The following TLK2 variants were observed in gnomAD, a reference collection of about 807,000 sequenced individuals.
The protein encoded by TLK2 is serine/threonine-protein kinase tousled-like 2.
A neutral mutation model predicts 117.3 loss-of-function variants in TLK2; 6 were observed. That is an observed-to-expected ratio of 0.05 (90% CI 0.03 to 0.10). The LOEUF is 0.10. TLK2 is among the 10% of genes least tolerant of loss of function. The pLI, the probability that TLK2 is intolerant of heterozygous loss-of-function variation, is 1.00. For missense variants in TLK2, 299 were observed against 901.2 expected (o/e 0.33, Z 8.56); for synonymous variants, 257 against 316.7 (o/e 0.81, Z 2.00).
chr17:62,568,109 T>C (rs1475244537), intron 11 of TLK2, among the ~76,000 whole-genome samples: 1 of 152,190 alleles, frequency 6.6e-6, no homozygotes, highest in Non-Finnish European at 1.5e-5. Context: ...TACTAAGATT[T>C]TGTTTATGTT....
At chr17:62,583,060 C>T (rs143868628) in intron 15 of TLK2, among the ~76,000 whole-genome samples, 17 of 152,072 alleles carry the variant, frequency 1.1e-4, no homozygotes, top group African/African-American at 3.1e-4. Flanking sequence ...TCTCGCCTAC[C>T]GTGTATAGTG....
At chr17:62,478,442 C>CG (rs1176633112), upstream of TLK2, among the ~76,000 whole-genome samples, 5 of 150,508 alleles carry the variant, frequency 3.3e-5, no homozygotes, top group African/African-American at 2.4e-5. Flanking sequence ...TCCAGCGGGG[C>CG]GGGGGCCGGC....
intron 16 of TLK2, among the ~76,000 whole-genome samples, chr17:62,593,949 C>G (rs1220840873): frequency 6.6e-6 from 1 of 151,694 alleles, no homozygotes; most frequent in Non-Finnish European, 1.5e-5. Flanking sequence ...CACACCACCG[C>G]TCCCTGCTGC....
chr17:62,526,777 T>C (rs917622398), intron 6 of TLK2, among the ~76,000 whole-genome samples: 1 of 152,238 alleles, frequency 6.6e-6, no homozygotes, highest in African/African-American at 2.4e-5. Flanking sequence ...CTGTTTTTCC[T>C]TTAAAATATA....
chr17:62,522,380 G>A, intron 4 of TLK2, 107 bp downstream of exon 4: 1 of 1,245,768 alleles, frequency 8.0e-7, no homozygotes, highest in South Asian at 1.5e-5. Flanking sequence ...TCCTGATAAA[G>A]GAGGTTTGTG....
chr17:62,484,698 T>A (rs1436864276), intron 2 of TLK2, among the ~76,000 whole-genome samples: 1 of 152,040 alleles, frequency 6.6e-6, no homozygotes, highest in Admixed American at 6.6e-5. Flanking sequence ...AAAGGGTGCT[T>A]TTGGAAAAAC....
chr17:62,594,827 CA>C (rs2065530377), intron 16 of TLK2, among the ~76,000 whole-genome samples: 5 of 133,740 alleles, frequency 3.7e-5, no homozygotes, highest in African/African-American at 1.3e-4. Context: ...CACACACACA[CA>C]CACCCCATGT....
At chr17:62,516,743 T>C in intron 2 of TLK2, 1 of 1,584,894 alleles carries the variant, frequency 6.3e-7, no homozygotes, top group Non-Finnish European at 8.6e-7. Context: ...TAAATGGCAA[T>C]CCAGTTCTTC....
chr17:62,497,070 A>G (rs1201673960), intron 2 of TLK2, among the ~76,000 whole-genome samples: 2 of 152,070 alleles, frequency 1.3e-5, no homozygotes, highest in Non-Finnish European at 2.9e-5. Context: ...CAGCCTGGGC[A>G]AAGTGGTGAA....
At position 62,600,741 on chromosome 17, in the gene TLK2, C is replaced by T; in HGVS notation, c.1641C>T (p.Ser547=). ...HKLMSEKEAR[S]IIMQIVNALK... ...TAATGTCGGAGAAAGAGGCCCGGTC[C>T]ATTATCATGCAGATTGTGAATGCTT... The change falls in exon 18 of 22, where the codon TCC becomes TCT. Residue 547 remains serine (S), a synonymous_variant. Coordinates refer to ENST00000346027, the MANE Select transcript of TLK2 (RefSeq NM_006852.6). The T allele has an allele frequency of 6.2e-7, 1 of 1,613,552 alleles. No individual in the cohort carries two copies. Among genetic ancestry groups the T allele is most frequent in the Non-Finnish European group, 8.5e-7 (1 of 1,179,784 alleles).
At chr17:62,474,854 G>C (rs1465505819), upstream of TLK2, among the ~76,000 whole-genome samples, 1 of 149,740 alleles carries the variant, frequency 6.7e-6, no homozygotes, top group Non-Finnish European at 1.5e-5. Context: ...AAGAGACAAG[G>C]TTTCAATATA....
chr17:62,523,932 C>T (rs71375859), intron 5 of TLK2, among the ~76,000 whole-genome samples: 4 of 152,206 alleles, frequency 2.6e-5, no homozygotes, highest in Admixed American at 2.0e-4. Flanking sequence ...ATTTCTGCTT[C>T]GTGTATTTGG....
chr17:62,577,045 C>G (rs2080855206), intron 13 of TLK2, among the ~76,000 whole-genome samples: 1 of 143,774 alleles, frequency 7.0e-6, no homozygotes, highest in Non-Finnish European at 1.5e-5. Context: ...TCACTGCAAC[C>G]TCCACCTCCC....
intron 10 of TLK2, among the ~76,000 whole-genome samples, chr17:62,563,753 C>T (rs189836811): frequency 1.3e-5 from 2 of 152,306 alleles, no homozygotes; most frequent in South Asian, 2.1e-4. Flanking sequence ...ATGTCCTATA[C>T]TTAACATTCT....
At position 62,596,651 on chromosome 17, in the gene TLK2, T is replaced by C. The variant is rs2082498937; in HGVS notation, c.1527T>C (p.Asp509=). Residue 509 remains aspartate (D), a synonymous_variant, in exon 17 of 22, where the codon GAT becomes GAC. Transcript: ENST00000346027. ...LDHPRIVKLY[D]YFSLDTDSFC... is the part of the protein sequence containing the mutation. ...ATCCCAGAATAGTTAAGCTGTATGATTACTTTTCACTGGATACTGACTCGT... is the reference window on the plus strand; with the variant it reads ...ATCCCAGAATAGTTAAGCTGTATGACTACTTTTCACTGGATACTGACTCGT... 3 of 1,614,166 alleles carry C rather than the reference T, an allele frequency of 1.9e-6. No individual in the cohort carries two copies. Among genetic ancestry groups the C allele is most frequent in the South Asian group, 2.2e-5 (2 of 91,080 alleles).
intron 2 of TLK2, among the ~76,000 whole-genome samples, chr17:62,509,856 GAC>G (rs1270169031): frequency 6.6e-6 from 1 of 152,196 alleles, no homozygotes; most frequent in East Asian, 1.9e-4. Flanking sequence ...CCCTCTGGAG[GAC>G]ACAGTGTTGA....
intron 15 of TLK2, chr17:62,585,686 G>T (rs1032482518): frequency 6.5e-6 from 1 of 153,270 alleles, no homozygotes; most frequent in Non-Finnish European, 1.5e-5. Flanking sequence ...TCATACCAAA[G>T]AAGTATATTG....
At chr17:62,537,326 A>G (rs1271814608) in intron 7 of TLK2, among the ~76,000 whole-genome samples, 1 of 152,246 alleles carries the variant, frequency 6.6e-6, no homozygotes, top group East Asian at 1.9e-4. Context: ...ATGTTTTCTT[A>G]TAGTTATGAT....
intron 2 of TLK2, among the ~76,000 whole-genome samples, chr17:62,484,870 C>T (rs936816262): frequency 2.6e-5 from 4 of 151,924 alleles, no homozygotes; most frequent in African/African-American, 9.7e-5. Flanking sequence ...TCCTGGCTAA[C>T]ACGGTGAAAC....
Sources: gnomAD v4.1 joint callset for allele counts (sites outside exome capture counted in the v4.1 genomes callset) on GRCh38, gnomAD v4.1.1 for gene constraint, MANE v1.5 for transcripts, NCBI Gene and HGNC (gene_info 2026-07-23, HGNC 2026-07-21) for gene names.